PRAC2: variants seen among roughly 807,000 people sequenced by gnomAD.
PRAC2 encodes the protein protein PRAC2.
For synonymous variants in PRAC2, 43 were observed against 49.5 expected, an observed-to-expected ratio of 0.87 and a Z score of 0.55; for missense variants, 92 against 114.5, an observed-to-expected ratio of 0.80 and a Z score of 0.90.
rs200440450 is a variant in PRAC2 at position 48,723,809 on chromosome 17, G to A, written c.-84+496G>A. 4 of 1,207,708 alleles carry A rather than the reference G, an allele frequency of 3.3e-6. No individual in the cohort carries two copies. The East Asian group carries it at 1.3e-4, about 38-fold the overall frequency. The allele number at this position is 1,207,708 out of a possible 1,614,324, so 74.8% of individuals were successfully genotyped here. Reference sequence around the variant, plus strand: ...CATTGCGCCACTACTCCCTTATTCGGCTTCTGGAGGCCTAATAAAATCCAC... The same window carrying A: ...CATTGCGCCACTACTCCCTTATTCGACTTCTGGAGGCCTAATAAAATCCAC... On this transcript the variant is annotated intron_variant, in intron 1 of 1. Coordinates refer to ENST00000422730, the MANE Select transcript of PRAC2 (RefSeq NM_001282275.2).
At chr17:48,722,603 C>T (rs753077142), upstream of PRAC2, 11 of 559,184 alleles carry the variant, frequency 2.0e-5, no homozygotes, top group Non-Finnish European at 3.5e-5. Flanking sequence ...TGGCTCCCCA[C>T]CTCATAGCTG....
upstream of PRAC2, chr17:48,722,393 C>G (rs769402207): frequency 1.2e-6 from 2 of 1,613,946 alleles, no homozygotes; most frequent in African/African-American, 2.7e-5. Context: ...CGCACAACAT[C>G]GCTGTTCTCT....
At chr17:48,720,044 C>T (rs1409202531), upstream of PRAC2, among the ~76,000 whole-genome samples, 1 of 152,184 alleles carries the variant, frequency 6.6e-6, no homozygotes, top group African/African-American at 2.4e-5. Context: ...ACGCAGGTCT[C>T]GGGCGGGGGC....
At position 48,724,631 on chromosome 17, in the gene PRAC2, C is replaced by G. The variant is rs1416278687; in HGVS notation, c.221C>G (p.Pro74Arg). 4.9e-6 allele frequency: 6 copies of G among 1,232,208 alleles called. No individual in the cohort carries two copies. In the East Asian group the frequency reaches 1.9e-4, roughly 39 times the overall value. 76.3% of individuals were successfully genotyped at this position (1,232,208 alleles called of 1,614,324 possible). A position where few individuals can be genotyped will look rare whatever the true frequency, so the allele number is the denominator to read the frequency against. Reference protein sequence around the residue: ...STHEAPGRWKPVAPRTMKACP... With the variant: ...STHEAPGRWKRVAPRTMKACP... Reference sequence around the variant, plus strand: ...CACGAGGCCCCAGGCCGCTGGAAGCCTGTAGCTCCGCGGACGATGAAAGCC... The same window carrying G: ...CACGAGGCCCCAGGCCGCTGGAAGCGTGTAGCTCCGCGGACGATGAAAGCC... The change falls in exon 2 of 2, where the codon CCT becomes CGT. Residue 74 changes from proline (P) to arginine (R), a missense_variant. Pro to Arg is a moderately radical substitution (Grantham distance 103). Coordinates refer to ENST00000422730, the MANE Select transcript of PRAC2 (RefSeq NM_001282275.2).
chr17:48,719,156 T>A (rs1043413493), upstream of PRAC2, among the ~76,000 whole-genome samples: 19 of 152,148 alleles, frequency 1.2e-4, 1 homozygote, highest in Admixed American at 1.2e-3. Context: ...GTGTTTGATC[T>A]TCCCTTGCTC....
chr17:48,721,886 A>G (rs763539042), upstream of PRAC2: 1 of 1,519,678 alleles, frequency 6.6e-7, no homozygotes, highest in South Asian at 1.3e-5. Flanking sequence ...TAGATGTTTC[A>G]AAGTAGATGT....
At chr17:48,719,206 CACACAA>C (rs778949582), upstream of PRAC2, among the ~76,000 whole-genome samples, 5,453 of 121,662 alleles carry the variant, frequency 0.045, 125 homozygotes, top group South Asian at 0.12. Context: ...CACGCGCTCG[CACACAA>C]ACACACACAC....
At chr17:48,723,398 C>A in intron 1 of PRAC2, 85 bp downstream of exon 1, 1 of 300,002 alleles carries the variant, frequency 3.3e-6, no homozygotes, top group Non-Finnish European at 6.1e-6. Flanking sequence ...GGCACAGGGT[C>A]TCCCCTGAAG....
upstream of PRAC2, chr17:48,722,306 C>G (rs772969164): frequency 1.2e-6 from 2 of 1,610,186 alleles, no homozygotes; most frequent in African/African-American, 1.3e-5. Flanking sequence ...CTTGGCCCAC[C>G]GATCAGTTTA....
At chr17:48,721,737 T>A (rs1032084263), upstream of PRAC2, 15 of 1,360,442 alleles carry the variant, frequency 1.1e-5, no homozygotes, top group South Asian at 9.6e-5. Context: ...TTTAAAAAAA[T>A]TTTATTGTAT....
At chr17:48,721,768 T>A, upstream of PRAC2, 4 of 1,474,570 alleles carry the variant, frequency 2.7e-6, no homozygotes, top group Non-Finnish European at 3.6e-6. Flanking sequence ...AGCGTCTTGC[T>A]ACATTGCCCA....
At chr17:48,722,335 C>T (rs762282947), upstream of PRAC2, 3 of 1,614,056 alleles carry the variant, frequency 1.9e-6, no homozygotes, top group Non-Finnish European at 1.7e-6. Flanking sequence ...GAGAGAAAAG[C>T]ACTCTTGGAG....
chr17:48,722,391 A>G (rs1186485024), upstream of PRAC2: 2 of 1,613,912 alleles, frequency 1.2e-6, no homozygotes, highest in East Asian at 2.2e-5. Context: ...GGCGCACAAC[A>G]TCGCTGTTCT....
At chr17:48,718,848 G>A (rs568544478), upstream of PRAC2, among the ~76,000 whole-genome samples, 17 of 152,354 alleles carry the variant, frequency 1.1e-4, no homozygotes, top group African/African-American at 4.1e-4. Context: ...GGGTAGGACA[G>A]GGAGAGCATT....
intron 1 of PRAC2, chr17:48,723,558 T>C (rs952901596): frequency 4.1e-6 from 2 of 490,576 alleles, no homozygotes; most frequent in African/African-American, 4.0e-5. Flanking sequence ...TGAGGCTTTT[T>C]CCTGCTTCGA....
upstream of PRAC2, among the ~76,000 whole-genome samples, chr17:48,718,992 C>A (rs554779702): frequency 3.9e-5 from 6 of 152,088 alleles, no homozygotes; most frequent in Non-Finnish European, 8.8e-5. Context: ...TAGCCGGTGT[C>A]GCTGAGCCGC....
At chr17:48,719,212 AACACACACACACACACAC>A (rs3060082), upstream of PRAC2, among the ~76,000 whole-genome samples, 2 of 141,032 alleles carry the variant, frequency 1.4e-5, no homozygotes, top group African/African-American at 2.6e-5. Flanking sequence ...CTCGCACACA[AACACACACACACACACAC>A]ACACACACAC....
chr17:48,721,998 TAA>T (rs2038149809), upstream of PRAC2: 1 of 1,297,454 alleles, frequency 7.7e-7, no homozygotes, highest in African/African-American at 1.5e-5. Context: ...AGACAAACAT[TAA>T]GTCTTATGGC....
At chr17:48,721,868 T>C (rs760255880), upstream of PRAC2, 60 of 1,537,058 alleles carry the variant, frequency 3.9e-5, 1 homozygote, top group Non-Finnish European at 7.0e-6. Flanking sequence ...ACTCCTGGTC[T>C]CGCCCAGTAG....
Sources: gnomAD v4.1 joint callset for allele counts (sites outside exome capture counted in the v4.1 genomes callset) on GRCh38, gnomAD v4.1.1 for gene constraint, MANE v1.5 for transcripts, NCBI Gene and HGNC (gene_info 2026-07-23, HGNC 2026-07-21) for gene names.